Variants in CCDC85A observed in about 807,000 individuals in gnomAD.
CCDC85A encodes the protein coiled-coil domain-containing protein 85A.
In CCDC85A, 38 loss-of-function variants were observed where a neutral mutation model predicts 50.2. The ratio of observed to expected loss-of-function variants is 0.76; its 90% confidence interval spans 0.58 to 0.99. The LOEUF is 0.99. Ranked by LOEUF, CCDC85A falls within the 50% of genes least tolerant of loss-of-function variation. CCDC85A has a pLI of 0.00. For missense variants in CCDC85A, 820 were observed against 742.0 expected, an observed-to-expected ratio of 1.11 and a Z score of -1.22; for synonymous variants, 366 against 301.4, an observed-to-expected ratio of 1.21 and a Z score of -2.22.
chr2:56,355,217 C>G (rs1275315593), intron 3 of CCDC85A, among the ~76,000 whole-genome samples: 1 of 152,206 alleles, frequency 6.6e-6, no homozygotes, highest in Non-Finnish European at 1.5e-5. Context: ...TTCCCCCACC[C>G]TTACTTGGGT....
intron 2 of CCDC85A, among the ~76,000 whole-genome samples, chr2:56,301,517 G>A (rs1672202791): frequency 6.6e-6 from 1 of 152,100 alleles, no homozygotes; most frequent in Admixed American, 6.6e-5. Context: ...ATATAAGAAT[G>A]AATAATTATT....
At chr2:56,204,920 A>G (rs964333203) in intron 2 of CCDC85A, among the ~76,000 whole-genome samples, 3 of 152,206 alleles carry the variant, frequency 2.0e-5, no homozygotes, top group Admixed American at 1.3e-4. Context: ...GGGGAGCTAA[A>G]CAGGCTATAG....
At chr2:56,317,918 G>A (rs1332476704) in intron 2 of CCDC85A, among the ~76,000 whole-genome samples, 1 of 152,066 alleles carries the variant, frequency 6.6e-6, no homozygotes, top group East Asian at 1.9e-4. Context: ...GATTACCACA[G>A]AGTATCCAAA....
chr2:56,360,100 C>T lies in CCDC85A; in HGVS notation c.1318-12244C>T, dbSNP rs117381010. ...AAAAGATTAGCCAGTGTGATGTTCA[C>T]GTTGTATGCTATAAATACATGTATT... On this transcript the variant is annotated intron_variant, in intron 3 of 5. Transcript: ENST00000407595. 3.6e-4 allele frequency among the ~76,000 whole-genome samples: 55 copies of T among 152,216 alleles called. No homozygotes were observed. In the East Asian group the frequency reaches 4.1e-3, roughly 11 times the overall value.
intron 3 of CCDC85A, among the ~76,000 whole-genome samples, chr2:56,367,168 T>C (rs1675836069): frequency 6.6e-6 from 1 of 152,196 alleles, no homozygotes; most frequent in East Asian, 1.9e-4. Context: ...TACTGTAGCA[T>C]ACTATATGTC....
At chr2:56,318,592 T>C (rs1236591224) in intron 2 of CCDC85A, among the ~76,000 whole-genome samples, 1 of 152,148 alleles carries the variant, frequency 6.6e-6, no homozygotes, top group Non-Finnish European at 1.5e-5. Flanking sequence ...CAAATATTTA[T>C]TGCATAAATA....
At chr2:56,263,827 A>G (rs1670320727) in intron 2 of CCDC85A, among the ~76,000 whole-genome samples, 1 of 152,110 alleles carries the variant, frequency 6.6e-6, no homozygotes, top group Non-Finnish European at 1.5e-5. Flanking sequence ...TCCAGCTTAC[A>G]CACTATAACA....
intron 1 of CCDC85A, among the ~76,000 whole-genome samples, chr2:56,187,312 T>C (rs2103809139): frequency 6.6e-6 from 1 of 152,340 alleles, no homozygotes; most frequent in African/African-American, 2.4e-5. Flanking sequence ...TTCTATGAGC[T>C]GACTTTGAAA....
intron 2 of CCDC85A, among the ~76,000 whole-genome samples, chr2:56,266,720 C>G (rs752594443): frequency 5.9e-5 from 9 of 151,864 alleles, no homozygotes; most frequent in Non-Finnish European, 1.0e-4. Context: ...ATGTCAGCTT[C>G]CGGATTACTG....
At chr2:56,308,663 T>A (rs895010031) in intron 2 of CCDC85A, among the ~76,000 whole-genome samples, 1 of 152,174 alleles carries the variant, frequency 6.6e-6, no homozygotes, top group African/African-American at 2.4e-5. Flanking sequence ...CCCTGAAATT[T>A]AAGAGGAAAC....
Position 56,305,094 on chromosome 2 carries a change from C to T in CCDC85A, c.1241-37785C>T, listed in dbSNP as rs528114236. On this transcript the variant is annotated intron_variant, in intron 2 of 5. Coordinates refer to ENST00000407595, the MANE Select transcript of CCDC85A (RefSeq NM_001080433.2). ...CTCCAGCCTGGGCGACAGAGCAAGACTCTGCCTCAAAAAAAAAAAAATATA... is the reference window on the plus strand; with the variant it reads ...CTCCAGCCTGGGCGACAGAGCAAGATTCTGCCTCAAAAAAAAAAAAATATA... 6.3e-5 allele frequency among the ~76,000 whole-genome samples: 9 copies of T among 143,612 alleles called. No homozygotes were observed. The South Asian group carries it at 1.9e-3, about 30-fold the overall frequency. The allele number at this position is 143,612 out of a possible 152,430, so 94.2% of individuals were successfully genotyped here.
At chr2:56,349,537 T>C (rs1364278124) in intron 3 of CCDC85A, among the ~76,000 whole-genome samples, 1 of 152,096 alleles carries the variant, frequency 6.6e-6, no homozygotes, top group Non-Finnish European at 1.5e-5. Flanking sequence ...TAAGGCAACA[T>C]GGAGGCCCTC....
At position 56,385,944 on chromosome 2, in the gene CCDC85A, C is replaced by G. The variant is rs997474825; in HGVS notation, c.*1589C>G. ...ATTTACACCTTCTTTCCTAGGAAAGCTTTCATCCTTAAATTGTTGTATTCC... is the reference window on the plus strand; with the variant it reads ...ATTTACACCTTCTTTCCTAGGAAAGGTTTCATCCTTAAATTGTTGTATTCC... On this transcript the variant is annotated 3_prime_UTR_variant, in exon 6 of 6. Transcript: ENST00000407595. 6.6e-6 allele frequency: 1 copy of G among 152,068 alleles called. No individual in the cohort carries two copies. The highest frequency in any genetic ancestry group is 6.6e-5 in the Admixed American group (1 of 15,176). 9.4% of individuals were successfully genotyped at this position (152,068 alleles called of 1,614,324 possible). A position where few individuals can be genotyped will look rare whatever the true frequency, so the allele number is the denominator to read the frequency against.
intron 2 of CCDC85A, among the ~76,000 whole-genome samples, chr2:56,262,441 T>G (rs1670259413): frequency 6.6e-6 from 1 of 152,212 alleles, no homozygotes; most frequent in African/African-American, 2.4e-5. Context: ...TCTGCCCAGA[T>G]TTCCTTGGCT....
intron 2 of CCDC85A, among the ~76,000 whole-genome samples, chr2:56,240,427 G>A (rs1426435577): frequency 4.6e-5 from 7 of 152,164 alleles, no homozygotes; most frequent in Non-Finnish European, 1.0e-4. Context: ...TCACTCTGTG[G>A]AGTGTACTTT....
At chr2:56,299,755 G>A (rs1409801374) in intron 2 of CCDC85A, among the ~76,000 whole-genome samples, 2 of 152,206 alleles carry the variant, frequency 1.3e-5, no homozygotes, top group African/African-American at 4.8e-5. Context: ...GCAAAAAGAC[G>A]ATTAAATAAA....
intron 2 of CCDC85A, among the ~76,000 whole-genome samples, chr2:56,298,936 G>A (rs1262310803): frequency 6.6e-6 from 1 of 152,134 alleles, no homozygotes; most frequent in African/African-American, 2.4e-5. Flanking sequence ...AGAGGCTAAG[G>A]ACAGGATCAA....
intron 2 of CCDC85A, among the ~76,000 whole-genome samples, chr2:56,278,997 A>G (rs1324718076): frequency 6.6e-6 from 1 of 152,178 alleles, no homozygotes; most frequent in Non-Finnish European, 1.5e-5. Flanking sequence ...TGATGAAACT[A>G]CTGCCAAGGA....
intron 3 of CCDC85A, among the ~76,000 whole-genome samples, chr2:56,343,861 A>G (rs1479108633): frequency 6.6e-6 from 1 of 152,224 alleles, no homozygotes. Context: ...TCAGGTTGGT[A>G]TTTCAGGAGA....
Sources: allele counts gnomAD v4.1 joint callset (sites outside exome capture counted in the v4.1 genomes callset), GRCh38; gene constraint gnomAD v4.1.1; transcripts MANE v1.5; gene names NCBI Gene and HGNC (gene_info 2026-07-23, HGNC 2026-07-21).